Variants in ZFPM2 observed in about 807,000 individuals in gnomAD.
ZFPM2 encodes zinc finger protein, FOG family member 2, also known as zinc finger protein ZFPM2.
Under a neutral mutation model 98.6 loss-of-function variants are expected in ZFPM2, and 20 were observed. The ratio of observed to expected loss-of-function variants is 0.20; its 90% CI spans 0.14 to 0.29. ZFPM2 has a LOEUF of 0.29. Ranked by LOEUF, ZFPM2 falls within the 10% of genes least tolerant of loss-of-function variation. The pLI, the probability that ZFPM2 is intolerant of heterozygous loss-of-function variation, is 1.00. For synonymous variants in ZFPM2, 518 were observed against 502.7 expected (o/e 1.03, Z -0.41); for missense variants, 1,310 against 1,388.6 (o/e 0.94, Z 0.90).
In ZFPM2 at chr8:105,550,101, G is replaced by T. The variant is rs1814816709; in HGVS notation, c.302-11262G>T. Among the ~76,000 whole-genome samples, 3 of 152,038 alleles carry T rather than the reference G, an allele frequency of 2.0e-5. 1 individual carries two copies. The highest frequency in any genetic ancestry group is 2.1e-4 in the South Asian group (1 of 4,818). ...GCTTTCTTCTTTCTGAAATTTTTGGGACAGAAATGTAAAATGTTTTGTGAA... is the reference window on the plus strand; with the variant it reads ...GCTTTCTTCTTTCTGAAATTTTTGGTACAGAAATGTAAAATGTTTTGTGAA... On this transcript the variant is annotated intron_variant, in intron 3 of 7. Transcript: ENST00000407775.
In ZFPM2 at chr8:105,618,011, C is replaced by G. The variant is rs543259301; in HGVS notation, c.421-16235C>G. On this transcript the variant is annotated intron_variant, in intron 4 of 7. Transcript: ENST00000407775. ...TCAACTAGACTTACAAGACCCCAAA[C>G]TGTGCAAATGTGAGAAATAATTCAC... Among the ~76,000 whole-genome samples, 4 of 152,244 alleles carry G rather than the reference C, an allele frequency of 2.6e-5. No homozygotes were observed. In the South Asian group the frequency reaches 8.3e-4, roughly 32 times the overall value.
At chr8:105,587,988 C>T (rs986581555) in intron 4 of ZFPM2, among the ~76,000 whole-genome samples, 36 of 152,096 alleles carry the variant, frequency 2.4e-4, no homozygotes, top group African/African-American at 8.5e-4. Context: ...ATTATGAAAA[C>T]ACGAGCCCAC....
At chr8:105,393,333 T>TGTCTGTCTGTCTGTC (rs370622164) in intron 1 of ZFPM2, among the ~76,000 whole-genome samples, 1 of 92,930 alleles carries the variant, frequency 1.1e-5, no homozygotes, top group African/African-American at 4.2e-5. Flanking sequence ...TCTCTCTCTC[T>TGTCTGTCTGTCTGTC]TTGCCTTTCT....
chr8:105,533,234 T>C (rs573216984), intron 3 of ZFPM2, among the ~76,000 whole-genome samples: 1 of 152,154 alleles, frequency 6.6e-6, no homozygotes, highest in African/African-American at 2.4e-5. Flanking sequence ...ATAATTCTCA[T>C]AAACATATTT....
chr8:105,711,102 C>T (rs1811383962), intron 5 of ZFPM2, among the ~76,000 whole-genome samples: 1 of 151,940 alleles, frequency 6.6e-6, no homozygotes, highest in Admixed American at 6.6e-5. Context: ...AACTATGTCT[C>T]TGTGGGCTAA....
chr8:105,570,389 A>G (rs368740388), intron 4 of ZFPM2, among the ~76,000 whole-genome samples: 16 of 152,060 alleles, frequency 1.1e-4, no homozygotes, highest in East Asian at 5.8e-4. Flanking sequence ...GGCCTCAGTA[A>G]TCAAAGGCCT....
chr8:105,501,491 ACTTTTCTTTTTTTTTTTT>A (rs1488650650), intron 3 of ZFPM2, among the ~76,000 whole-genome samples: 2 of 137,708 alleles, frequency 1.5e-5, no homozygotes, highest in Admixed American at 7.4e-5. Context: ...AGCTCAATTT[ACTTTTCTTTTTTTTTTTT>A]CTTTTCTTTT....
At chr8:105,747,438 T>G (rs1253554496) in intron 5 of ZFPM2, among the ~76,000 whole-genome samples, 2 of 152,122 alleles carry the variant, frequency 1.3e-5, no homozygotes, top group African/African-American at 4.8e-5. Context: ...TAATGTTCTC[T>G]GAGTTAAGTT....
chr8:105,771,972 T>C (rs1460841282), intron 5 of ZFPM2, among the ~76,000 whole-genome samples: 2 of 152,150 alleles, frequency 1.3e-5, no homozygotes, highest in Non-Finnish European at 2.9e-5. Flanking sequence ...AGTAACTATA[T>C]TGTGCATCTT....
intron 1 of ZFPM2, among the ~76,000 whole-genome samples, chr8:105,356,913 C>T (rs1272334322): frequency 6.6e-6 from 1 of 152,120 alleles, no homozygotes; most frequent in African/African-American, 2.4e-5. Context: ...CCAGGCTGAT[C>T]TTCTAAAAAC....
chr8:105,520,607 A>G (rs1311231502), intron 3 of ZFPM2, among the ~76,000 whole-genome samples: 1 of 152,104 alleles, frequency 6.6e-6, no homozygotes, highest in Admixed American at 6.6e-5. Flanking sequence ...CTAGTTGGGT[A>G]GATAGGCACG....
chr8:105,693,485 C>T (rs541374451), intron 5 of ZFPM2, among the ~76,000 whole-genome samples: 24 of 152,190 alleles, frequency 1.6e-4, no homozygotes, highest in Non-Finnish European at 3.1e-4. Context: ...TGCTCTACTA[C>T]ACTACATGCC....
chr8:105,794,496 G>A (rs1305133769), intron 6 of ZFPM2, among the ~76,000 whole-genome samples: 3 of 152,222 alleles, frequency 2.0e-5, no homozygotes, highest in African/African-American at 4.8e-5. Flanking sequence ...CTACTGGGGG[G>A]TGCGTCCCAG....
At chr8:105,348,111 C>A (rs1025545204) in intron 1 of ZFPM2, among the ~76,000 whole-genome samples, 2 of 152,078 alleles carry the variant, frequency 1.3e-5, no homozygotes, top group Non-Finnish European at 1.5e-5. Context: ...TTTGCTTGAC[C>A]ATTTTGTTGG....
At chr8:105,322,273 A>T (rs1315289879) in intron 1 of ZFPM2, among the ~76,000 whole-genome samples, 1 of 151,812 alleles carries the variant, frequency 6.6e-6, no homozygotes, top group Non-Finnish European at 1.5e-5. Flanking sequence ...AGAAATGATG[A>T]TTTTTTTCTT....
At chr8:105,452,969 T>G (rs1812517113) in intron 3 of ZFPM2, among the ~76,000 whole-genome samples, 1 of 151,104 alleles carries the variant, frequency 6.6e-6, no homozygotes. Context: ...GTTTTAAAAA[T>G]AACTTAAGTG....
intron 3 of ZFPM2, among the ~76,000 whole-genome samples, chr8:105,529,148 T>C (rs536810218): frequency 2.0e-5 from 3 of 152,278 alleles, no homozygotes; most frequent in South Asian, 2.1e-4. Context: ...GATGGCCATG[T>C]TCTTCTGATG....
intron 4 of ZFPM2, among the ~76,000 whole-genome samples, chr8:105,621,674 T>C (rs1227138085): frequency 1.3e-5 from 2 of 152,182 alleles, no homozygotes; most frequent in Non-Finnish European, 2.9e-5. Context: ...ACAATCTATG[T>C]ATATGCCATT....
intron 5 of ZFPM2, among the ~76,000 whole-genome samples, chr8:105,668,956 A>G (rs1341849124): frequency 3.9e-5 from 6 of 152,204 alleles, no homozygotes; most frequent in Admixed American, 2.0e-4. Context: ...TGATGGAAAC[A>G]TAACTGATCC....
Sources: allele counts gnomAD v4.1 joint callset (sites outside exome capture counted in the v4.1 genomes callset), GRCh38; gene constraint gnomAD v4.1.1; transcripts MANE v1.5; gene names NCBI Gene and HGNC (gene_info 2026-07-23, HGNC 2026-07-21).